Variants in BRINP3 observed in about 807,000 individuals in gnomAD.
BRINP3 encodes BMP/retinoic acid-inducible neural-specific protein 3.
In BRINP3, 19 loss-of-function variants were observed where a neutral mutation model predicts 71.0. That is an observed-to-expected ratio of 0.27 (90% confidence interval 0.19 to 0.39). The LOEUF is 0.39. Ranked by LOEUF, BRINP3 falls within the 10% of genes least tolerant of loss-of-function variation. BRINP3 has a pLI of 1.00. For missense variants in BRINP3, 959 were observed against 940.8 expected, an observed-to-expected ratio of 1.02 and a Z score of -0.25; for synonymous variants, 380 against 337.7, an observed-to-expected ratio of 1.13 and a Z score of -1.37.
chr1:190,438,818 A>G (rs913574649), intron 2 of BRINP3, among the ~76,000 whole-genome samples: 2 of 151,920 alleles, frequency 1.3e-5, no homozygotes, highest in Non-Finnish European at 2.9e-5. Flanking sequence ...ATAGTGACAC[A>G]CTACCAGTTA....
intron 6 of BRINP3, among the ~76,000 whole-genome samples, chr1:190,182,811 A>C (rs1477751610): frequency 3.3e-5 from 5 of 152,178 alleles, no homozygotes; most frequent in Non-Finnish European, 5.9e-5. Flanking sequence ...CACAGTATCC[A>C]TTGACCTGGA....
chr1:190,456,796 G>A (rs1421696418), intron 1 of BRINP3, among the ~76,000 whole-genome samples: 1 of 151,832 alleles, frequency 6.6e-6, no homozygotes, highest in South Asian at 2.1e-4. Context: ...TAATTTAAAT[G>A]AGTAATTTTT....
intron 2 of BRINP3, among the ~76,000 whole-genome samples, chr1:190,333,375 C>T (rs966843890): frequency 7.3e-5 from 11 of 151,650 alleles, no homozygotes; most frequent in African/African-American, 2.7e-4. Flanking sequence ...TTTAGTGGAA[C>T]ATATACTGCA....
intron 6 of BRINP3, among the ~76,000 whole-genome samples, chr1:190,193,724 CT>C (rs1166444266): frequency 6.6e-6 from 1 of 152,208 alleles, no homozygotes; most frequent in African/African-American, 2.4e-5. Flanking sequence ...AAACTTTCAA[CT>C]GTAAACTCTT....
intron 2 of BRINP3, among the ~76,000 whole-genome samples, chr1:190,339,578 T>G (rs1183307866): frequency 6.6e-6 from 1 of 151,988 alleles, no homozygotes; most frequent in Non-Finnish European, 1.5e-5. Flanking sequence ...CAAACAGAAG[T>G]AATTATGGAC....
At chr1:190,250,285 C>T (rs956785945) in intron 4 of BRINP3, among the ~76,000 whole-genome samples, 1 of 151,898 alleles carries the variant, frequency 6.6e-6, no homozygotes, top group Admixed American at 6.6e-5. Flanking sequence ...CTAATTATTT[C>T]TTAAACCTAG....
At chr1:190,210,271 A>C (rs915214058) in intron 6 of BRINP3, among the ~76,000 whole-genome samples, 1 of 152,142 alleles carries the variant, frequency 6.6e-6, no homozygotes, top group South Asian at 2.1e-4. Flanking sequence ...TAGAGTATCA[A>C]GTAAAAATTC....
At chr1:190,372,675 G>T (rs1459858912) in intron 2 of BRINP3, among the ~76,000 whole-genome samples, 1 of 152,132 alleles carries the variant, frequency 6.6e-6, no homozygotes, top group African/African-American at 2.4e-5. Flanking sequence ...ATATTACCTT[G>T]TCATAATTCC....
chr1:190,366,740 CA>C (rs1314074773), intron 2 of BRINP3, among the ~76,000 whole-genome samples: 5 of 152,232 alleles, frequency 3.3e-5, no homozygotes, highest in Non-Finnish European at 7.4e-5. Flanking sequence ...ATTCGAAATG[CA>C]AGCAATTGGC....
intron 2 of BRINP3, among the ~76,000 whole-genome samples, chr1:190,309,419 A>G (rs1665362070): frequency 1.3e-5 from 2 of 151,892 alleles, no homozygotes; most frequent in Non-Finnish European, 2.9e-5. Flanking sequence ...ATTGACATAT[A>G]CACTTAAAAA....
chr1:190,259,158 T>G (rs1571544593), intron 4 of BRINP3, among the ~76,000 whole-genome samples: 2 of 151,694 alleles, frequency 1.3e-5, no homozygotes, highest in Admixed American at 1.3e-4. Flanking sequence ...GAGGCCAGTA[T>G]TACCGCCTAC....
intron 7 of BRINP3, among the ~76,000 whole-genome samples, chr1:190,108,359 C>T (rs113686680): frequency 1.7e-4 from 25 of 150,718 alleles, no homozygotes; most frequent in South Asian, 4.2e-4. Context: ...TGTGTGTGTG[C>T]GCACACGCTG....
intron 7 of BRINP3, among the ~76,000 whole-genome samples, chr1:190,108,425 C>T (rs1652379079): frequency 6.6e-6 from 1 of 151,666 alleles, no homozygotes; most frequent in Non-Finnish European, 1.5e-5. Flanking sequence ...TAAAAGTCGG[C>T]TCATTTAAAA....
At chr1:190,260,941 C>T (rs886640076) in intron 4 of BRINP3, among the ~76,000 whole-genome samples, 14 of 151,930 alleles carry the variant, frequency 9.2e-5, no homozygotes, top group Non-Finnish European at 4.4e-5. Flanking sequence ...ATTGTCTTTT[C>T]TTTTCTACAT....
chr1:190,421,556 A>G (rs1673386814), intron 2 of BRINP3, among the ~76,000 whole-genome samples: 1 of 151,610 alleles, frequency 6.6e-6, no homozygotes, highest in Non-Finnish European at 1.5e-5. Flanking sequence ...TTGATTCCCT[A>G]TGTTATGAAT....
chr1:190,313,496 A>G (rs1479897868), intron 2 of BRINP3, among the ~76,000 whole-genome samples: 1 of 152,042 alleles, frequency 6.6e-6, no homozygotes, highest in African/African-American at 2.4e-5. Context: ...ATAGAGTACT[A>G]TTAAAGCAAA....
intron 1 of BRINP3, among the ~76,000 whole-genome samples, chr1:190,468,182 A>T (rs113648826): frequency 6.6e-4 from 100 of 151,474 alleles, no homozygotes; most frequent in African/African-American, 2.4e-3. Flanking sequence ...TATATATCTA[A>T]AATATAGGAA....
intron 1 of BRINP3, among the ~76,000 whole-genome samples, chr1:190,464,282 A>G (rs1276280253): frequency 6.6e-6 from 1 of 151,938 alleles, no homozygotes; most frequent in Non-Finnish European, 1.5e-5. Context: ...TTGAAATAGA[A>G]ATCCCTTTTG....
At chr1:190,168,248 G>T (rs1651728518) in intron 6 of BRINP3, among the ~76,000 whole-genome samples, 1 of 151,880 alleles carries the variant, frequency 6.6e-6, no homozygotes, top group Admixed American at 6.6e-5. Context: ...CATAGGTCTG[G>T]CAACAAAGGC....
Sources: gnomAD v4.1 joint callset for allele counts (sites outside exome capture counted in the v4.1 genomes callset) on GRCh38, gnomAD v4.1.1 for gene constraint, MANE v1.5 for transcripts, NCBI Gene and HGNC (gene_info 2026-07-23, HGNC 2026-07-21) for gene names.